Variants in CATSPER2 observed in about 807,000 individuals in gnomAD.
CATSPER2 encodes the protein cation channel sperm-associated protein 2.
A neutral mutation model predicts 68.8 loss-of-function variants in CATSPER2; 56 were observed. The ratio of observed to expected loss-of-function variants is 0.81; its 90% CI spans 0.66 to 1.02. CATSPER2 has a LOEUF of 1.02. Among genes scored for constraint, CATSPER2 ranks in the 50% least tolerant of loss-of-function variants. CATSPER2 has a pLI of 0.00. For synonymous variants in CATSPER2, 198 were observed against 229.9 expected, an observed-to-expected ratio of 0.86 and a Z score of 1.26; for missense variants, 582 against 642.0, an observed-to-expected ratio of 0.91 and a Z score of 1.01.
intron 9 of CATSPER2, 146 bp from the exon 10 acceptor site, chr15:43,635,562 C>G: frequency 1.9e-6 from 2 of 1,080,412 alleles, no homozygotes; most frequent in Non-Finnish European, 2.8e-6. Flanking sequence ...GAGGACACCC[C>G]ACAGTGGATG....
chr15:43,629,722 T>C lies in CATSPER2; in HGVS notation c.*979A>G, dbSNP rs2085845935. 6.6e-6 allele frequency: 1 copy of C among 151,084 alleles called. No homozygotes were observed. The highest frequency in any genetic ancestry group is 1.5e-5 in the Non-Finnish European group (1 of 67,856). The allele number at this position is 151,084 out of a possible 1,614,324, so 9.4% of individuals were successfully genotyped here. On this transcript the variant is annotated 3_prime_UTR_variant, in exon 13 of 13. Transcript: ENST00000396879. Reference sequence around the variant, plus strand: ...GATGGGAGATAGATTAACTCTGAAATCCCTTCTAACACTAAAAACCTGTAC... The same window carrying C: ...GATGGGAGATAGATTAACTCTGAAACCCCTTCTAACACTAAAAACCTGTAC...
chr15:43,643,299 G>A (rs1365895996), intron 4 of CATSPER2, among the ~76,000 whole-genome samples: 2 of 151,778 alleles, frequency 1.3e-5, no homozygotes, highest in Admixed American at 1.3e-4. Context: ...TAATGTTTTG[G>A]CTAGTTATAT....
At chr15:43,632,446 A>G (rs1168532209) in intron 11 of CATSPER2, 83 bp from the exon 12 acceptor site, 2 of 1,558,572 alleles carry the variant, frequency 1.3e-6, no homozygotes, top group Non-Finnish European at 1.8e-6. Flanking sequence ...GTGTGGGTGG[A>G]AAGGTGGGGT....
rs1040650344 is a variant in CATSPER2, at chr15:43,639,566, A to G, written c.717+77T>C. The G allele has an allele frequency of 6.2e-6, 10 of 1,606,606 alleles. 1 individual carries two copies. The highest frequency in any genetic ancestry group is 8.5e-6 in the Non-Finnish European group (10 of 1,176,698). On this transcript the variant is annotated intron_variant, in intron 6 of 12. Transcript: ENST00000396879. ...AGGCGTGAGCCACCGCACCCGGCCA[A>G]TTTGTTTCATATTCTATGTTAAGCC... is the stretch of plus-strand genomic sequence containing the variant.
At chr15:43,644,391 C>A (rs1447015330) in intron 4 of CATSPER2, among the ~76,000 whole-genome samples, 3 of 151,978 alleles carry the variant, frequency 2.0e-5, no homozygotes, top group Admixed American at 2.0e-4. Context: ...TGGCAATCTA[C>A]TTATCCTCTG....
intron 4 of CATSPER2, among the ~76,000 whole-genome samples, chr15:43,644,604 C>T (rs1329832788): frequency 1.3e-5 from 2 of 151,946 alleles, no homozygotes; most frequent in Non-Finnish European, 2.9e-5. Context: ...GCCTGAGCTC[C>T]ACCTCCTGTC....
intron 7 of CATSPER2, among the ~76,000 whole-genome samples, chr15:43,638,099 C>A (rs1357815892): frequency 2.7e-5 from 4 of 150,846 alleles, no homozygotes; most frequent in African/African-American, 9.8e-5. Flanking sequence ...GGATTACAGG[C>A]GCCCACCACC....
intron 7 of CATSPER2, among the ~76,000 whole-genome samples, 199 bp downstream of exon 7, chr15:43,638,705 T>C (rs1420437088): frequency 1.3e-5 from 2 of 151,962 alleles, no homozygotes; most frequent in Admixed American, 6.6e-5. Context: ...AGAATAAACA[T>C]GGAACTAGCT....
rs2085852760 is a variant in CATSPER2, at chr15:43,630,436, CCT to C, written c.*263_*264del. The stretch of plus-strand genomic sequence containing the variant: ...GTGGTGCAATCTTGGCTCACTGCAA[CCT>C]CTGACTCCCAGGTTCAAGTGATTCT... On this transcript the variant is annotated 3_prime_UTR_variant, in exon 13 of 13. Transcript: ENST00000396879. 2 of 564,326 alleles carry C rather than the reference CCT, an allele frequency of 3.5e-6. No individual in the cohort carries two copies. Among genetic ancestry groups the C allele is most frequent in the Non-Finnish European group, 6.0e-6 (2 of 335,558 alleles). The allele number at this position is 564,326 out of a possible 1,614,324, so 35.0% of individuals were successfully genotyped here.
In CATSPER2 at chr15:43,632,802, C is replaced by G; in HGVS notation, c.1311G>C (p.Lys437Asn). ...CACAGGAGGAAGACTGGTACTCTCT[C>G]TTTTTTGACAAGGTCTCTTCTGTTT... ...ASKTEETLSK[K>N]REYQSSSCVS... Residue 437 changes from lysine (K) to asparagine (N), a missense_variant, in exon 11 of 13, where the codon AAG (lysine) becomes AAC (asparagine). Lys to Asn is a moderately conservative substitution (Grantham distance 94). Around this residue, in one of 5 missense-constraint regions of CATSPER2, gnomAD observed 235 missense variants for 264.2 expected, o/e 0.89. Coordinates refer to ENST00000396879, the MANE Select transcript of CATSPER2 (RefSeq NM_172095.4). 1.2e-6 allele frequency: 2 copies of G among 1,613,604 alleles called. No individual in the cohort carries two copies. The highest frequency in any genetic ancestry group is 1.7e-6 in the Non-Finnish European group (2 of 1,179,780).
intron 10 of CATSPER2, chr15:43,633,459 T>A (rs1427763181): frequency 3.0e-5 from 5 of 168,616 alleles, no homozygotes; most frequent in Non-Finnish European, 6.5e-5. Flanking sequence ...CTCACTCTAC[T>A]CCAGTCACAA....
intron 7 of CATSPER2, among the ~76,000 whole-genome samples, chr15:43,638,650 A>G (rs895430343): frequency 2.6e-5 from 4 of 151,862 alleles, no homozygotes; most frequent in Non-Finnish European, 5.9e-5. Flanking sequence ...GTGTACTGCT[A>G]TTTAAAGATG....
chr15:43,644,207 A>G (rs1217788645), intron 4 of CATSPER2, among the ~76,000 whole-genome samples: 2 of 152,040 alleles, frequency 1.3e-5, no homozygotes. Context: ...GTGATTGGAA[A>G]AAAAATTTTT....
rs890087847 is a variant in CATSPER2, at chr15:43,632,375, A to C, written c.1397-12T>G. On this transcript the variant is annotated splice_polypyrimidine_tract_variant and intron_variant, in intron 11 of 12. Coordinates refer to ENST00000396879, the MANE Select transcript of CATSPER2 (RefSeq NM_172095.4). ...CCAGTCCAAACGACCTGCAGGGAGG[A>C]ATGCTTCAGAAAAGCACGTCTAGAT... 6.2e-7 allele frequency: 1 copy of C among 1,613,066 alleles called. No individual in the cohort carries two copies. Among genetic ancestry groups the C allele is most frequent in the African/African-American group, 1.3e-5 (1 of 74,782 alleles).
intron 7 of CATSPER2, among the ~76,000 whole-genome samples, chr15:43,637,362 TAAAAAAG>T (rs2085982437): frequency 6.6e-6 from 1 of 151,850 alleles, no homozygotes; most frequent in African/African-American, 2.4e-5. Context: ...TAAAAATTAC[TAAAAAAG>T]TAAAAAGTTT....
chr15:43,638,487 C>T (rs370681393), intron 7 of CATSPER2, among the ~76,000 whole-genome samples: 1 of 151,590 alleles, frequency 6.6e-6, no homozygotes, highest in South Asian at 2.1e-4. Context: ...CAGGGTTTCA[C>T]CATGTTGGCT....
intron 5 of CATSPER2, chr15:43,640,024 G>A: frequency 6.9e-7 from 1 of 1,443,608 alleles, no homozygotes; most frequent in Non-Finnish European, 9.1e-7. Flanking sequence ...ATTTAATTGG[G>A]TTGTTGTGGA....
At chr15:43,643,140 T>C (rs1406012272) in intron 4 of CATSPER2, 1 of 151,932 alleles carries the variant, frequency 6.6e-6, no homozygotes, top group African/African-American at 2.4e-5. Context: ...CTACTCCCTA[T>C]TCTAGAAAAA....
intron 12 of CATSPER2, 126 bp downstream of exon 12, chr15:43,632,073 T>A: frequency 9.4e-7 from 1 of 1,067,068 alleles, no homozygotes; most frequent in Non-Finnish European, 1.4e-6. Context: ...AGTTTCTGCC[T>A]ATTTTAGTTG....
Sources: allele counts gnomAD v4.1 joint callset (sites outside exome capture counted in the v4.1 genomes callset), GRCh38; gene constraint gnomAD v4.1.1; regional missense constraint gnomAD v4.1.1; transcripts MANE v1.5; gene names NCBI Gene and HGNC (gene_info 2026-07-23, HGNC 2026-07-21).